The following UCHL3 variants were observed in gnomAD, a reference collection of about 807,000 sequenced individuals.
UCHL3 encodes the protein ubiquitin C-terminal hydrolase L3.
UCHL3 carries 22 observed loss-of-function variants against 35.8 expected under a neutral mutation model. The observed-to-expected ratio is 0.61, with a 90% CI of 0.44 to 0.88. UCHL3 has a LOEUF of 0.88. UCHL3 is among the 40% of genes least tolerant of loss of function. The probability of loss-of-function intolerance (pLI) is 0.00; values close to 1 mark genes in which losing one functional copy is unlikely to be tolerated. For synonymous variants in UCHL3, 90 were observed against 92.8 expected (o/e 0.97, Z 0.17); for missense variants, 229 against 276.9 (o/e 0.83, Z 1.23).
chr13:75,583,127 C>G (rs1430930627), intron 6 of UCHL3, among the ~76,000 whole-genome samples: 1 of 152,146 alleles, frequency 6.6e-6, no homozygotes, highest in East Asian at 1.9e-4. Flanking sequence ...TTTTGACATA[C>G]TTGTTAGAAA....
chr13:75,569,933 A>G (rs2031798911), intron 6 of UCHL3, among the ~76,000 whole-genome samples: 1 of 152,234 alleles, frequency 6.6e-6, no homozygotes, highest in Non-Finnish European at 1.5e-5. Flanking sequence ...AATTTGTTTC[A>G]GGGTAATGTA....
chr13:75,563,169 A>G lies in UCHL3; in HGVS notation c.183+2288A>G, dbSNP rs2031574011. On this transcript the variant is annotated intron_variant, in intron 3 of 8. Transcript: ENST00000377595. ...TATGTATGTATGTATGTATGTATATATATGTTTATGTTTACTTATTTTTTG... is the reference window on the plus strand; with the variant it reads ...TATGTATGTATGTATGTATGTATATGTATGTTTATGTTTACTTATTTTTTG... Among the ~76,000 whole-genome samples the G allele has an allele frequency of 2.6e-5, 4 of 151,990 alleles. No individual in the cohort carries two copies. The South Asian group carries it at 8.3e-4, about 32-fold the overall frequency.
In UCHL3 at chr13:75,592,446, A is replaced by ATATACATATATATATATGTATATATG. The variant is rs1555276764; in HGVS notation, c.475-2465_475-2464insCATATATATATATGTATATATGTATA. Among the ~76,000 whole-genome samples, 140 of 71,082 alleles carry ATATACATATATATATATGTATATATG rather than the reference A, an allele frequency of 2.0e-3. 7 individuals are homozygous for ATATACATATATATATATGTATATATG. Among genetic ancestry groups the ATATACATATATATATATGTATATATG allele is most frequent in the South Asian group, 7.6e-3 (17 of 2,244 alleles). The allele number at this position is 71,082 out of a possible 152,430, so 46.6% of individuals were successfully genotyped here. Reference sequence around the variant, plus strand: ...TATATATATATATATATATATATATATATATATATATATATATATATGAAG... The same window carrying ATATACATATATATATATGTATATATG: ...TATATATATATATATATATATATATATATACATATATATATATGTATATATGTATATATATATATATATATATGAAG... On this transcript the variant is annotated intron_variant, in intron 6 of 8. Transcript: ENST00000377595.
intron 7 of UCHL3, among the ~76,000 whole-genome samples, chr13:75,596,944 T>C (rs1226975986): frequency 6.6e-6 from 1 of 152,252 alleles, no homozygotes; most frequent in Non-Finnish European, 1.5e-5. Context: ...AGATATTCTT[T>C]ATCAAGAAGA....
intron 6 of UCHL3, among the ~76,000 whole-genome samples, chr13:75,583,651 T>C (rs1304850771): frequency 6.6e-6 from 1 of 152,194 alleles, no homozygotes; most frequent in Non-Finnish European, 1.5e-5. Context: ...TAGATACTTG[T>C]GTGCACATTT....
At chr13:75,581,755 G>T (rs182912983) in intron 6 of UCHL3, among the ~76,000 whole-genome samples, 21 of 149,176 alleles carry the variant, frequency 1.4e-4, no homozygotes, top group Non-Finnish European at 1.5e-5. Context: ...TTTCAAATAC[G>T]TTGGTTATTT....
At chr13:75,592,444 A>ATATGTATATATG (rs2032520195) in intron 6 of UCHL3, among the ~76,000 whole-genome samples, 1 of 108,810 alleles carries the variant, frequency 9.2e-6, no homozygotes, top group Non-Finnish European at 1.9e-5. Flanking sequence ...ATATATATAT[A>ATATGTATATATG]TATATATATA....
At position 75,566,866 on chromosome 13, in the gene UCHL3, A is replaced by G. The variant is rs1350646458; in HGVS notation, c.340+15A>G. 1 of 1,578,414 alleles carries G rather than the reference A, an allele frequency of 6.3e-7. No homozygotes were observed. The highest frequency in any genetic ancestry group is 8.6e-7 in the Non-Finnish European group (1 of 1,163,448). On this transcript the variant is annotated intron_variant, in intron 4 of 8. Transcript: ENST00000377595. ...GATGCACTTTGGTAAATGATTTTTC[A>G]TTACTGCATTTTTTCCCCCTTAAGA... is the stretch of plus-strand genomic sequence containing the variant.
intron 3 of UCHL3, among the ~76,000 whole-genome samples, chr13:75,564,220 G>A (rs570889602): frequency 7.6e-4 from 115 of 150,616 alleles, no homozygotes; most frequent in African/African-American, 2.5e-3. Flanking sequence ...GTGCGATCTC[G>A]GCTCACTGCA....
chr13:75,602,752 G>A (rs1051564783), intron 7 of UCHL3, among the ~76,000 whole-genome samples: 5 of 152,130 alleles, frequency 3.3e-5, no homozygotes, highest in Admixed American at 1.3e-4. Context: ...CTTAAAGGAG[G>A]CATTAAAAAT....
intron 8 of UCHL3, 113 bp from the exon 9 acceptor site, chr13:75,605,616 A>G (rs2032919526): frequency 5.8e-6 from 6 of 1,032,422 alleles, no homozygotes; most frequent in Non-Finnish European, 8.4e-6. Context: ...CTCATTTGGA[A>G]AAGGAAGTTT....
intron 1 of UCHL3, 49 bp downstream of exon 1, chr13:75,549,911 G>C: frequency 1.5e-5 from 25 of 1,614,114 alleles, no homozygotes; most frequent in Non-Finnish European, 2.1e-5. Context: ...TGCAGAGGGA[G>C]CCGGCTTGCT....
At chr13:75,555,791 C>T (rs1429414346) in intron 2 of UCHL3, among the ~76,000 whole-genome samples, 1 of 152,146 alleles carries the variant, frequency 6.6e-6, no homozygotes, top group African/African-American at 2.4e-5. Context: ...GGAGGTCACA[C>T]TATGTTGCCC....
chr13:75,585,133 A>C (rs1163179015), intron 6 of UCHL3, among the ~76,000 whole-genome samples: 1 of 152,148 alleles, frequency 6.6e-6, no homozygotes, highest in Non-Finnish European at 1.5e-5. Context: ...TTTTCCAAAA[A>C]TAATTACAGA....
intron 3 of UCHL3, 36 bp from the exon 4 acceptor site, chr13:75,566,659 T>C (rs1348015752): frequency 7.9e-7 from 1 of 1,268,692 alleles, no homozygotes; most frequent in Non-Finnish European, 1.0e-6. Context: ...TATGTTATTT[T>C]CCACAAATAC....
chr13:75,586,647 T>A (rs1295324479), intron 6 of UCHL3, among the ~76,000 whole-genome samples: 2 of 151,964 alleles, frequency 1.3e-5, no homozygotes, highest in African/African-American at 4.8e-5. Flanking sequence ...TTAAATTTTT[T>A]TAAAAAATTT....
At chr13:75,582,646 A>G (rs1356910244) in intron 6 of UCHL3, among the ~76,000 whole-genome samples, 3 of 152,262 alleles carry the variant, frequency 2.0e-5, no homozygotes, top group Middle Eastern at 3.2e-3. Context: ...AACTGTAGAC[A>G]TTTAATCTTT....
chr13:75,550,518 C>T (rs1383319992), intron 2 of UCHL3, among the ~76,000 whole-genome samples: 2 of 152,070 alleles, frequency 1.3e-5, no homozygotes, highest in African/African-American at 4.8e-5. Flanking sequence ...TAAAGCTGGA[C>T]ATTTAGTTGC....
intron 7 of UCHL3, among the ~76,000 whole-genome samples, chr13:75,598,650 C>G (rs1292255381): frequency 6.6e-6 from 1 of 152,204 alleles, no homozygotes; most frequent in Non-Finnish European, 1.5e-5. Flanking sequence ...GCAGGAATAA[C>G]TGCAGAAATA....
Sources: gnomAD v4.1 joint callset for allele counts (sites outside exome capture counted in the v4.1 genomes callset) on GRCh38, gnomAD v4.1.1 for gene constraint, MANE v1.5 for transcripts, NCBI Gene and HGNC (gene_info 2026-07-23, HGNC 2026-07-21) for gene names.